The following ADAR variants were observed in gnomAD, a reference collection of about 807,000 sequenced individuals.
ADAR encodes the protein adenosine deaminase RNA specific, also known as double-stranded RNA-specific adenosine deaminase.
Under a neutral mutation model 113.2 loss-of-function variants are expected in ADAR, and 41 were observed. The ratio of observed to expected loss-of-function variants is 0.36; its 90% CI spans 0.28 to 0.47. ADAR has a LOEUF of 0.47. Among genes scored for constraint, ADAR ranks in the 20% least tolerant of loss-of-function variants. The pLI is 1.00. For synonymous variants in ADAR, 605 were observed against 572.6 expected (o/e 1.06, Z -0.81); for missense variants, 1,242 against 1,540.9 (o/e 0.81, Z 3.25).
In ADAR at chr1:154,584,470, A is replaced by G; in HGVS notation, c.*336T>C. The G allele has an allele frequency of 3.3e-6, 1 of 299,874 alleles. No homozygotes were observed. The highest frequency in any genetic ancestry group is 6.3e-6 in the Non-Finnish European group (1 of 159,360). 18.6% of individuals were successfully genotyped at this position (299,874 alleles called of 1,614,324 possible). On this transcript the variant is annotated 3_prime_UTR_variant, in exon 15 of 15. Transcript: ENST00000368474. ...GGTCAGTGTAGCAAACACAAAGGGA[A>G]AGGAAATGGAAACAAATCAAAACAA...
rs776535530 is a variant in ADAR, at chr1:154,597,990, G to C, written c.1786-14C>G. On this transcript the variant is annotated splice_polypyrimidine_tract_variant and intron_variant, in intron 3 of 14. Transcript: ENST00000368474. ...GGACTCTGCAGTCTAGAGAAAATGA[G>C]AGACAAGAAGAAAACAAAACTAAGA... 6.2e-7 allele frequency: 1 copy of C among 1,612,692 alleles called. No homozygotes were observed. The highest frequency in any genetic ancestry group is 8.5e-7 in the Non-Finnish European group (1 of 1,179,254).
At chr1:154,586,103 C>T (rs1696742040) in intron 12 of ADAR, 78 bp downstream of exon 12, 5 of 1,564,344 alleles carry the variant, frequency 3.2e-6, no homozygotes, top group African/African-American at 1.4e-5. Context: ...GACAAAACAC[C>T]TGGCAATAAA....
Position 154,583,228 on chromosome 1 carries a change from A to G in ADAR, c.*1578T>C, listed in dbSNP as rs1696522208. On this transcript the variant is annotated 3_prime_UTR_variant, in exon 15 of 15. Coordinates refer to ENST00000368474, the MANE Select transcript of ADAR (RefSeq NM_001111.5). The stretch of plus-strand genomic sequence containing the variant: ...CTGACTGTTATCGAGGGACACGTAA[A>G]AGCAGCATCACAAAACTGGACTGCA... 1 of 152,256 alleles carries G rather than the reference A, an allele frequency of 6.6e-6. No individual in the cohort carries two copies. Among genetic ancestry groups the G allele is most frequent in the Non-Finnish European group, 1.5e-5 (1 of 68,052 alleles). 9.4% of individuals were successfully genotyped at this position (152,256 alleles called of 1,614,324 possible).
chr1:154,590,145 CCCCG>C, intron 7 of ADAR, 35 bp downstream of exon 7: 7 of 1,133,650 alleles, frequency 6.2e-6, no homozygotes, highest in Non-Finnish European at 9.3e-6. Flanking sequence ...AGGAGGACCC[CCCCG>C]CCCCAAAAAA....
chr1:154,588,824 C>T lies in ADAR; in HGVS notation c.2763-151G>A, dbSNP rs894084953. The T allele has an allele frequency of 6.5e-5, 73 of 1,118,264 alleles. 1 individual carries two copies. In the African/African-American group the frequency reaches 1.1e-3, roughly 16 times the overall value. 69.3% of individuals were successfully genotyped at this position (1,118,264 alleles called of 1,614,324 possible). On this transcript the variant is annotated intron_variant, in intron 9 of 14. Transcript: ENST00000368474. ...CAGGTGGAAATTCTCCAGGGGAGAC[C>T]TCAGCATTTCATAAAGCATAGTTAG... is the stretch of plus-strand genomic sequence containing the variant.
chr1:154,583,872 A>G lies in ADAR; in HGVS notation c.*934T>C, dbSNP rs1470281179. Reference sequence around the variant, plus strand: ...TGATTATCTGAGCAGAGATGATTTTATACCCTCTAGGATTTGTCCCGTTGG... The same window carrying G: ...TGATTATCTGAGCAGAGATGATTTTGTACCCTCTAGGATTTGTCCCGTTGG... On this transcript the variant is annotated 3_prime_UTR_variant, in exon 15 of 15. Transcript: ENST00000368474. The G allele has an allele frequency of 1.3e-5, 2 of 152,190 alleles. No individual in the cohort carries two copies. The highest frequency in any genetic ancestry group is 2.9e-5 in the Non-Finnish European group (2 of 68,026). The allele number at this position is 152,190 out of a possible 1,614,324, so 9.4% of individuals were successfully genotyped here. A position where few individuals can be genotyped will look rare whatever the true frequency, so the allele number is the denominator to read the frequency against.
chr1:154,608,070 C>T lies in ADAR; in HGVS notation c.-64G>A. ...GCACGACCCTGGCCCGACCGCTGGGCCGCGCCAGCCCCTCGAGGCCCCCAC... is the reference window on the plus strand; with the variant it reads ...GCACGACCCTGGCCCGACCGCTGGGTCGCGCCAGCCCCTCGAGGCCCCCAC... On this transcript the variant is annotated 5_prime_UTR_variant, in exon 1 of 15. Coordinates refer to ENST00000368474, the MANE Select transcript of ADAR (RefSeq NM_001111.5). 6.7e-7 allele frequency: 1 copy of T among 1,503,492 alleles called. No homozygotes were observed. The highest frequency in any genetic ancestry group is 1.3e-5 in the South Asian group (1 of 77,064). 93.1% of individuals were successfully genotyped at this position (1,503,492 alleles called of 1,614,324 possible). A position where few individuals can be genotyped will look rare whatever the true frequency, so the allele number is the denominator to read the frequency against.
chr1:154,582,385 G>A lies in ADAR; in HGVS notation c.*2421C>T, dbSNP rs540739768. ...ATCATTAAAAAGAAGAGTAGGGAGG[G>A]TCACTGCTTATTAAAAACAAAAGAC... On this transcript the variant is annotated 3_prime_UTR_variant, in exon 15 of 15. Transcript: ENST00000368474. 4 of 152,218 alleles carry A rather than the reference G, an allele frequency of 2.6e-5. No individual in the cohort carries two copies. Among genetic ancestry groups the A allele is most frequent in the South Asian group, 2.1e-4 (1 of 4,826 alleles). 9.4% of individuals were successfully genotyped at this position (152,218 alleles called of 1,614,324 possible). A position where few individuals can be genotyped will look rare whatever the true frequency, so the allele number is the denominator to read the frequency against.
chr1:154,625,121 A>G (rs1698897746), intron 1 of ADAR, among the ~76,000 whole-genome samples: 1 of 152,224 alleles, frequency 6.6e-6, no homozygotes, highest in Non-Finnish European at 1.5e-5. Context: ...CTCTGGGTGA[A>G]AAGGCCAAAC....
At chr1:154,626,956 C>T (rs554379147) in intron 1 of ADAR, among the ~76,000 whole-genome samples, 1 of 152,200 alleles carries the variant, frequency 6.6e-6, no homozygotes, top group Non-Finnish European at 1.5e-5. Flanking sequence ...CAGTTTGACG[C>T]CCCTGCCTTC....
chr1:154,610,808 CAAAAA>C (rs1369386387), upstream of ADAR, among the ~76,000 whole-genome samples: 1 of 40,530 alleles, frequency 2.5e-5, no homozygotes, highest in African/African-American at 5.3e-5. Context: ...GACACCGTCT[CAAAAA>C]AAAAAAAAAA....
Position 154,583,168 on chromosome 1 carries a change from C to T in ADAR, c.*1638G>A, listed in dbSNP as rs906570084. ...AGAGGCAGGCTCAGCTCCTGAAGGTCGCAGAGCCTCAGTAGTCCTCCTGAG... is the reference window on the plus strand; with the variant it reads ...AGAGGCAGGCTCAGCTCCTGAAGGTTGCAGAGCCTCAGTAGTCCTCCTGAG... On this transcript the variant is annotated 3_prime_UTR_variant, in exon 15 of 15. Coordinates refer to ENST00000368474, the MANE Select transcript of ADAR (RefSeq NM_001111.5). 6.6e-6 allele frequency: 1 copy of T among 152,116 alleles called. No individual in the cohort carries two copies. The highest frequency in any genetic ancestry group is 2.4e-5 in the African/African-American group (1 of 41,416). The allele number at this position is 152,116 out of a possible 1,614,324, so 9.4% of individuals were successfully genotyped here. A position where few individuals can be genotyped will look rare whatever the true frequency, so the allele number is the denominator to read the frequency against.
At chr1:154,598,616 G>A (rs756939699) in intron 2 of ADAR, 31 bp from the exon 3 acceptor site, 1 of 1,609,928 alleles carries the variant, frequency 6.2e-7, no homozygotes, top group Non-Finnish European at 8.5e-7. Flanking sequence ...TGTGTGAACA[G>A]GAGTCTAGGT....
intron 1 of ADAR, among the ~76,000 whole-genome samples, chr1:154,617,696 C>T (rs896218559): frequency 6.6e-6 from 1 of 152,102 alleles, no homozygotes; most frequent in African/African-American, 2.4e-5. Context: ...ATATGAATTA[C>T]AGTGTAAGTA....
intron 6 of ADAR, among the ~76,000 whole-genome samples, chr1:154,593,135 C>CCAAAA (rs377597807): frequency 1.3e-5 from 1 of 74,672 alleles, no homozygotes; most frequent in African/African-American, 5.3e-5. Context: ...ACTCCATCTC[C>CCAAAA]AAAAAAAAAA....
Position 154,602,442 on chromosome 1 carries a change from G to A in ADAR, c.200C>T (p.Ser67Phe), listed in dbSNP as rs1367119670. 2 of 1,612,492 alleles carry A rather than the reference G, an allele frequency of 1.2e-6. No individual in the cohort carries two copies. Among genetic ancestry groups the A allele is most frequent in the Admixed American group, 1.7e-5 (1 of 59,948 alleles). Residue 67 changes from serine to phenylalanine, a missense_variant, in exon 2 of 15, where the codon TCC (serine) becomes TTC (phenylalanine). Physicochemically the swap from Ser to Phe is radical, Grantham distance 155 (BLOSUM62 -2). Transcript: ENST00000368474. ...IGKQTPSLPP[S>F]LPGLRPRFPV... ...AAACCTTGGCCGGAGTCCTGGGAGG[G>A]AAGGTGGCAGTGACGGTGTCTGCTT...
intron 5 of ADAR, 28 bp downstream of exon 5, chr1:154,597,094 TG>T (rs773189429): frequency 9.9e-6 from 16 of 1,614,076 alleles, no homozygotes; most frequent in Non-Finnish European, 1.4e-5. Context: ...AAAAATGACC[TG>T]TATCTTTTGA....
rs1476627892 is a variant in ADAR at position 154,583,361 on chromosome 1, A to C, written c.*1445T>G. ...AAAGTCCCTTCAACATGAGTAAAGG[A>C]AACAGTTTCAAGCACTGACAGTTTT... On this transcript the variant is annotated 3_prime_UTR_variant, in exon 15 of 15. Transcript: ENST00000368474. 3.3e-5 allele frequency: 5 copies of C among 152,232 alleles called. No homozygotes were observed. Among genetic ancestry groups the C allele is most frequent in the Admixed American group, 2.6e-4 (4 of 15,280 alleles). The allele number at this position is 152,232 out of a possible 1,614,324, so 9.4% of individuals were successfully genotyped here.
intron 6 of ADAR, among the ~76,000 whole-genome samples, chr1:154,596,390 G>A (rs575489806): frequency 1.9e-4 from 29 of 152,032 alleles, no homozygotes; most frequent in Middle Eastern, 3.4e-3. Flanking sequence ...ACAGGCACCC[G>A]CTGCCACGCC....
Sources: allele counts gnomAD v4.1 joint callset (sites outside exome capture counted in the v4.1 genomes callset), GRCh38; gene constraint gnomAD v4.1.1; transcripts MANE v1.5; gene names NCBI Gene and HGNC (gene_info 2026-07-23, HGNC 2026-07-21).